The following EFNA5 variants were observed in gnomAD, a reference collection of about 807,000 sequenced individuals.
EFNA5 encodes ephrin A5.
EFNA5 carries 5 observed loss-of-function variants against 22.9 expected under a neutral mutation model. That is an observed-to-expected ratio of 0.22 (90% CI 0.11 to 0.46). The LOEUF is 0.46. EFNA5 is among the 20% of genes least tolerant of loss of function. The pLI, the probability that EFNA5 is intolerant of heterozygous loss-of-function variation, is 0.99. For synonymous variants in EFNA5, 113 were observed against 112.2 expected (o/e 1.01, Z -0.04); for missense variants, 237 against 293.3 (o/e 0.81, Z 1.40).
chr5:107,397,955 C>T (rs956739831), intron 2 of EFNA5, among the ~76,000 whole-genome samples: 1 of 152,168 alleles, frequency 6.6e-6, no homozygotes, highest in African/African-American at 2.4e-5. Flanking sequence ...AATGGCTGTG[C>T]ATTCCCATTC....
chr5:107,398,747 T>C (rs775395979), intron 2 of EFNA5, among the ~76,000 whole-genome samples: 2 of 149,162 alleles, frequency 1.3e-5, no homozygotes, highest in Admixed American at 6.8e-5. Context: ...CCCAGCAACT[T>C]GGGAGGCTGA....
intron 1 of EFNA5, among the ~76,000 whole-genome samples, chr5:107,454,145 C>T (rs1268790978): frequency 6.6e-6 from 1 of 152,092 alleles, no homozygotes; most frequent in Non-Finnish European, 1.5e-5. Flanking sequence ...AAAGGAAATG[C>T]TGATATTCAG....
chr5:107,468,291 T>G (rs543691986), intron 1 of EFNA5, among the ~76,000 whole-genome samples: 1 of 152,350 alleles, frequency 6.6e-6, no homozygotes, highest in East Asian at 1.9e-4. Flanking sequence ...ATGCACATAT[T>G]TTCTTGGAAA....
intron 1 of EFNA5, among the ~76,000 whole-genome samples, chr5:107,517,856 C>G (rs58772568): frequency 0.03 from 4,599 of 152,194 alleles, 199 homozygotes; most frequent in African/African-American, 0.1. Flanking sequence ...AGTATGAACA[C>G]TATAAAAGCG....
At chr5:107,434,921 G>A (rs1043265247) in intron 1 of EFNA5, among the ~76,000 whole-genome samples, 4 of 152,140 alleles carry the variant, frequency 2.6e-5, no homozygotes, top group Non-Finnish European at 2.9e-5. Context: ...GCAACCTAAT[G>A]TATTACATTC....
chr5:107,380,634 T>C lies in EFNA5; in HGVS notation c.*621A>G. On this transcript the variant is annotated 3_prime_UTR_variant, in exon 5 of 5. Coordinates refer to ENST00000333274, the MANE Select transcript of EFNA5 (RefSeq NM_001962.3). Reference sequence around the variant, plus strand: ...CACAAGTTTTGCTGTCAAGAATGCTTTAAGACAGTCATATTAAAAAAAAAA... The same window carrying C: ...CACAAGTTTTGCTGTCAAGAATGCTCTAAGACAGTCATATTAAAAAAAAAA... 5.1e-6 allele frequency: 2 copies of C among 390,972 alleles called. No individual in the cohort carries two copies. Among genetic ancestry groups the C allele is most frequent in the East Asian group, 7.3e-5 (2 of 27,526 alleles). 24.2% of individuals were successfully genotyped at this position (390,972 alleles called of 1,614,324 possible). A position where few individuals can be genotyped will look rare whatever the true frequency, so the allele number is the denominator to read the frequency against.
At chr5:107,473,172 G>T (rs1377628787) in intron 1 of EFNA5, among the ~76,000 whole-genome samples, 1 of 151,774 alleles carries the variant, frequency 6.6e-6, no homozygotes, top group Non-Finnish European at 1.5e-5. Context: ...TGCTGACATT[G>T]GTTGAAACTT....
At chr5:107,580,557 T>A (rs1749020946) in intron 1 of EFNA5, among the ~76,000 whole-genome samples, 1 of 151,478 alleles carries the variant, frequency 6.6e-6, no homozygotes, top group Non-Finnish European at 1.5e-5. Context: ...ACCCTGTCTC[T>A]ACTAAAAATA....
chr5:107,433,381 A>G (rs1348499050), intron 1 of EFNA5, among the ~76,000 whole-genome samples: 5 of 152,202 alleles, frequency 3.3e-5, no homozygotes. Context: ...ACCAAAAATG[A>G]ATTATGTACT....
intron 1 of EFNA5, among the ~76,000 whole-genome samples, chr5:107,513,856 A>G (rs1747424739): frequency 6.6e-6 from 1 of 152,070 alleles, no homozygotes; most frequent in Non-Finnish European, 1.5e-5. Flanking sequence ...CAGAGGGGAG[A>G]GGAAATAAGT....
chr5:107,642,857 C>CT (rs1419445034), intron 1 of EFNA5, among the ~76,000 whole-genome samples: 1 of 149,534 alleles, frequency 6.7e-6, no homozygotes, highest in Non-Finnish European at 1.5e-5. Context: ...GAAGAAAAAT[C>CT]TTAGAAATTA....
chr5:107,390,801 G>A (rs1321469285), intron 2 of EFNA5, among the ~76,000 whole-genome samples: 1 of 152,034 alleles, frequency 6.6e-6, no homozygotes, highest in Non-Finnish European at 1.5e-5. Flanking sequence ...AGTTGATAAC[G>A]AATAATTATA....
At chr5:107,405,196 T>C (rs1257427414) in intron 2 of EFNA5, among the ~76,000 whole-genome samples, 1 of 152,216 alleles carries the variant, frequency 6.6e-6, no homozygotes, top group African/African-American at 2.4e-5. Flanking sequence ...GCATGTCCCT[T>C]GAGATTTGGG....
chr5:107,474,522 A>G (rs1750226355), intron 1 of EFNA5, among the ~76,000 whole-genome samples: 1 of 152,130 alleles, frequency 6.6e-6, no homozygotes, highest in East Asian at 1.9e-4. Flanking sequence ...TCCTCCAGGC[A>G]TGACTAATAC....
chr5:107,499,989 CG>C (rs1747093274), intron 1 of EFNA5, among the ~76,000 whole-genome samples: 1 of 152,156 alleles, frequency 6.6e-6, no homozygotes, highest in African/African-American at 2.4e-5. Context: ...TGTTTCAACC[CG>C]GATCATTCAT....
chr5:107,443,998 C>T (rs965826881), intron 1 of EFNA5, among the ~76,000 whole-genome samples: 5 of 152,178 alleles, frequency 3.3e-5, no homozygotes, highest in Admixed American at 6.5e-5. Context: ...AATCCTTATT[C>T]TTCTAGAGAT....
chr5:107,654,754 A>G (rs1750790573), intron 1 of EFNA5, among the ~76,000 whole-genome samples: 1 of 152,268 alleles, frequency 6.6e-6, no homozygotes, highest in Non-Finnish European at 1.5e-5. Context: ...TTTCACAAAG[A>G]GAAATAGAGA....
intron 1 of EFNA5, among the ~76,000 whole-genome samples, chr5:107,483,920 G>A (rs914703838): frequency 1.3e-5 from 2 of 152,162 alleles, no homozygotes; most frequent in African/African-American, 4.8e-5. Context: ...GTTACTCCCT[G>A]AGAGAGACAC....
intron 1 of EFNA5, among the ~76,000 whole-genome samples, chr5:107,617,381 C>A (rs759064287): frequency 6.6e-6 from 1 of 152,064 alleles, no homozygotes; most frequent in African/African-American, 2.4e-5. Flanking sequence ...AGATGCTGGT[C>A]ACTGTTTTAA....
Sources: allele counts gnomAD v4.1 joint callset (sites outside exome capture counted in the v4.1 genomes callset), GRCh38; gene constraint gnomAD v4.1.1; transcripts MANE v1.5; gene names NCBI Gene and HGNC (gene_info 2026-07-23, HGNC 2026-07-21).